The following MICAL3 variants were observed in gnomAD, a reference collection of about 807,000 sequenced individuals.
MICAL3 encodes microtubule associated monooxygenase, calponin and LIM domain containing 3, also known as [F-actin]-monooxygenase MICAL3.
Under a neutral mutation model 207.4 loss-of-function variants are expected in MICAL3, and 62 were observed. The observed-to-expected ratio is 0.30, with a 90% CI of 0.24 to 0.37. MICAL3 has a LOEUF of 0.37. Among genes scored for constraint, MICAL3 ranks in the 10% least tolerant of loss-of-function variants. The probability of loss-of-function intolerance (pLI) is 1.00; values close to 1 mark genes in which losing one functional copy is unlikely to be tolerated. For missense variants in MICAL3, 2,368 were observed against 2,635.6 expected (o/e 0.90, Z 2.22); for synonymous variants, 1,077 against 1,069.3 (o/e 1.01, Z -0.14).
chr22:17,891,415 T>C (rs1930385982), intron 12 of MICAL3, 70 bp downstream of exon 12: 1 of 1,428,234 alleles, frequency 7.0e-7, no homozygotes, highest in Admixed American at 1.8e-5. Flanking sequence ...GGACAAAATG[T>C]TACTTGATAG....
At chr22:18,003,896 A>G (rs1923205108) in intron 1 of MICAL3, among the ~76,000 whole-genome samples, 1 of 151,912 alleles carries the variant, frequency 6.6e-6, no homozygotes, top group Non-Finnish European at 1.5e-5. Flanking sequence ...CAGCCTCCCA[A>G]GTAGCTGGGA....
At chr22:17,850,371 G>A (rs1318470631) in intron 19 of MICAL3, among the ~76,000 whole-genome samples, 1 of 146,336 alleles carries the variant, frequency 6.8e-6, no homozygotes, top group Non-Finnish European at 1.5e-5. Flanking sequence ...CACTCTGTGT[G>A]ACCCTGTGGA....
At chr22:17,807,637 G>A (rs1435555194) in intron 29 of MICAL3, among the ~76,000 whole-genome samples, 2 of 152,148 alleles carry the variant, frequency 1.3e-5, no homozygotes, top group African/African-American at 4.8e-5. Flanking sequence ...TAAAGGGCCT[G>A]GGAAAGGAGA....
At chr22:17,960,986 G>A (rs1186491107) in intron 1 of MICAL3, among the ~76,000 whole-genome samples, 4 of 152,094 alleles carry the variant, frequency 2.6e-5, no homozygotes, top group African/African-American at 9.7e-5. Context: ...TGACTGGGGT[G>A]CGAGGGGAAC....
intron 22 of MICAL3, among the ~76,000 whole-genome samples, chr22:17,826,979 A>G (rs776908643): frequency 1.3e-5 from 2 of 152,218 alleles, no homozygotes; most frequent in African/African-American, 2.4e-5. Flanking sequence ...ATGTGCACGC[A>G]CAGAAGTGAC....
chr22:17,987,757 TA>T (rs985708567), intron 1 of MICAL3, among the ~76,000 whole-genome samples: 3 of 152,104 alleles, frequency 2.0e-5, no homozygotes, highest in Non-Finnish European at 4.4e-5. Flanking sequence ...CACACTGAAT[TA>T]TTTAGGGTAA....
chr22:17,922,984 T>C (rs573611226), intron 1 of MICAL3, among the ~76,000 whole-genome samples: 2 of 152,276 alleles, frequency 1.3e-5, no homozygotes, highest in East Asian at 3.9e-4. Flanking sequence ...GCATGATTCA[T>C]CAGTGGATCA....
At chr22:17,904,581 A>G (rs1405110257) in intron 3 of MICAL3, 51 bp downstream of exon 3, 92 of 1,363,608 alleles carry the variant, frequency 6.7e-5, no homozygotes, top group Non-Finnish European at 9.5e-5. Flanking sequence ...TCTACTGAAC[A>G]AGCGTGCAAG....
At chr22:17,865,710 G>A (rs1180501327) in intron 18 of MICAL3, among the ~76,000 whole-genome samples, 3 of 152,244 alleles carry the variant, frequency 2.0e-5, no homozygotes, top group Admixed American at 1.3e-4. Context: ...GACTCAGGGG[G>A]CAGGTGGAGC....
intron 19 of MICAL3, among the ~76,000 whole-genome samples, chr22:17,846,162 G>A (rs940956383): frequency 4.6e-5 from 7 of 152,238 alleles, no homozygotes; most frequent in African/African-American, 1.7e-4. Context: ...GGAGGCAGCA[G>A]TTGCCTCTCC....
Position 17,902,677 on chromosome 22 carries a change from C to T in MICAL3, c.543G>A (p.Val181=), listed in dbSNP as rs200507859. Residue 181 remains valine (V), a synonymous_variant, in exon 4 of 32, where the codon GTG becomes GTA. Transcript: ENST00000441493. The surrounding 1 kb of genome is among the most constrained non-coding windows in gnomAD (Gnocchi z 4.5). ...GAGGCTGTATAAGTCCTTGGAATTC[C>T]ACATTGACGTGGATTTCAATGCCTA... ...LILGIEIHVN[V]EFQGLIQPPE... 3.5e-4 allele frequency: 555 copies of T among 1,608,096 alleles called. 4 individuals carry two copies. Among genetic ancestry groups the T allele is most frequent in the Non-Finnish European group, 7.6e-5 (90 of 1,177,002 alleles).
intron 11 of MICAL3, among the ~76,000 whole-genome samples, chr22:17,891,890 C>A (rs1930421616): frequency 6.6e-6 from 1 of 152,244 alleles, no homozygotes; most frequent in Non-Finnish European, 1.5e-5. Context: ...CCCTGAGGGA[C>A]CACAGCCTGA....
chr22:17,817,384 G>A lies in MICAL3; in HGVS notation c.5277C>T (p.Ser1759=), dbSNP rs770653484. 11 of 1,612,764 alleles carry A rather than the reference G, an allele frequency of 6.8e-6. No homozygotes were observed. In the African/African-American group the frequency reaches 1.3e-4, roughly 20 times the overall value. Residue 1759 remains serine (S), a synonymous_variant, in exon 26 of 32, where the codon TCC becomes TCT. Transcript: ENST00000441493. ...KDKKKKADDK[S]CPSTPSSGAT... ...CCCCGCTGGAGGGGGTGCTGGGGCA[G>A]GACTTGTCGTCGGCCTTCTTCTTCT...
chr22:17,870,019 C>T (rs991591882), intron 17 of MICAL3, among the ~76,000 whole-genome samples: 5 of 152,130 alleles, frequency 3.3e-5, no homozygotes, highest in African/African-American at 1.2e-4. Flanking sequence ...TTCGGTGCCC[C>T]TAAAGTTCCT....
At chr22:17,994,207 T>C (rs1352520784) in intron 1 of MICAL3, among the ~76,000 whole-genome samples, 1 of 152,090 alleles carries the variant, frequency 6.6e-6, no homozygotes, top group Non-Finnish European at 1.5e-5. Context: ...AGGAGCTTTG[T>C]TGGTGGAGGA....
chr22:17,908,609 C>T (rs1321371234), intron 1 of MICAL3, among the ~76,000 whole-genome samples: 1 of 152,204 alleles, frequency 6.6e-6, no homozygotes, highest in Non-Finnish European at 1.5e-5. Flanking sequence ...AAGACTTTCA[C>T]TTCTGAAGTT....
At chr22:17,927,375 A>C (rs1176802777) in intron 1 of MICAL3, among the ~76,000 whole-genome samples, 1 of 152,190 alleles carries the variant, frequency 6.6e-6, no homozygotes, top group African/African-American at 2.4e-5. Context: ...TACTGTGCAC[A>C]ATGCTGCCAT....
chr22:17,969,211 C>G (rs5992929), intron 1 of MICAL3, among the ~76,000 whole-genome samples: 1 of 151,894 alleles, frequency 6.6e-6, no homozygotes, highest in South Asian at 2.1e-4. Context: ...AGCTAATTTT[C>G]TGTATTTTTA....
intron 1 of MICAL3, among the ~76,000 whole-genome samples, chr22:17,995,055 T>C (rs1922121953): frequency 6.6e-6 from 1 of 152,192 alleles, no homozygotes; most frequent in African/African-American, 2.4e-5. Flanking sequence ...ACGAAAAAGA[T>C]ACTGTTGTCC....
Sources: allele counts gnomAD v4.1 joint callset (sites outside exome capture counted in the v4.1 genomes callset), GRCh38; gene constraint gnomAD v4.1.1; non-coding constraint Gnocchi (gnomAD v3.1); transcripts MANE v1.5; gene names NCBI Gene and HGNC (gene_info 2026-07-23, HGNC 2026-07-21).